The following ABCA5 variants were observed in gnomAD, a reference collection of about 807,000 sequenced individuals.
ABCA5 encodes the protein cholesterol transporter ABCA5.
In ABCA5, 163 loss-of-function variants were observed where a neutral mutation model predicts 206.0. The observed-to-expected ratio is 0.79, with a 90% CI of 0.70 to 0.90. The LOEUF (loss-of-function observed/expected upper bound fraction) is 0.90, where lower values mean the gene tolerates loss of function less well. Ranked by LOEUF, ABCA5 falls within the 40% of genes least tolerant of loss-of-function variation. The pLI, the probability that ABCA5 is intolerant of heterozygous loss-of-function variation, is 0.00. For synonymous variants in ABCA5, 609 were observed against 613.8 expected, an observed-to-expected ratio of 0.99 and a Z score of 0.11; for missense variants, 1,859 against 1,912.9, an observed-to-expected ratio of 0.97 and a Z score of 0.53.
chr17:69,280,882 T>C (rs904584624), intron 18 of ABCA5, among the ~76,000 whole-genome samples: 1 of 151,948 alleles, frequency 6.6e-6, no homozygotes, highest in Non-Finnish European at 1.5e-5. Context: ...GGCACTATTG[T>C]GGGGTTGGGG....
intron 9 of ABCA5, among the ~76,000 whole-genome samples, chr17:69,298,754 C>A (rs977458805): frequency 2.0e-5 from 3 of 152,012 alleles, no homozygotes; most frequent in Admixed American, 2.0e-4. Flanking sequence ...GAGACGATAA[C>A]ATCAGAAAAA....
At chr17:69,312,825 A>C (rs1286447673) in intron 3 of ABCA5, among the ~76,000 whole-genome samples, 1 of 152,232 alleles carries the variant, frequency 6.6e-6, no homozygotes, top group Non-Finnish European at 1.5e-5. Context: ...TATCTTATAC[A>C]AGTATACTTA....
At chr17:69,312,710 G>A (rs954433824) in intron 3 of ABCA5, among the ~76,000 whole-genome samples, 1 of 151,982 alleles carries the variant, frequency 6.6e-6, no homozygotes, top group Non-Finnish European at 1.5e-5. Context: ...TCAACTTCTT[G>A]AGTAGCTGGG....
chr17:69,247,306 A>G lies in ABCA5; in HGVS notation c.*231T>C. 1 of 368,706 alleles carries G rather than the reference A, an allele frequency of 2.7e-6. No homozygotes were observed. Among genetic ancestry groups the G allele is most frequent in the East Asian group, 5.2e-5 (1 of 19,326 alleles). The allele number at this position is 368,706 out of a possible 1,614,324, so 22.8% of individuals were successfully genotyped here. On this transcript the variant is annotated 3_prime_UTR_variant, in exon 39 of 39. Coordinates refer to ENST00000392676, the MANE Select transcript of ABCA5 (RefSeq NM_172232.4). ...TGGTGAAAAAGATGACATACAAACTATATAGTTCAATATACTTCAATACAA... is the reference window on the plus strand; with the variant it reads ...TGGTGAAAAAGATGACATACAAACTGTATAGTTCAATATACTTCAATACAA...
In ABCA5 at chr17:69,306,702, GTAAT is replaced by G; in HGVS notation, c.788+19_788+22del. On this transcript the variant is annotated intron_variant, in intron 6 of 38. Coordinates refer to ENST00000392676, the MANE Select transcript of ABCA5 (RefSeq NM_172232.4). ...TTAATACAATTTTTAATTATATTAA[GTAAT>G]AAATTTTTAATAACATACCAAAAGG... 8.7e-7 allele frequency: 1 copy of G among 1,148,166 alleles called. No individual in the cohort carries two copies. The highest frequency in any genetic ancestry group is 1.2e-6 in the Non-Finnish European group (1 of 866,988). 71.1% of individuals were successfully genotyped at this position (1,148,166 alleles called of 1,614,324 possible). A position where few individuals can be genotyped will look rare whatever the true frequency, so the allele number is the denominator to read the frequency against.
At chr17:69,274,968 C>A (rs1031840203) in intron 19 of ABCA5, among the ~76,000 whole-genome samples, 3 of 151,124 alleles carry the variant, frequency 2.0e-5, no homozygotes, top group Admixed American at 6.6e-5. Flanking sequence ...CTCAGCCTCC[C>A]AAGTAGGTGG....
chr17:69,323,525 T>C (rs2075879615), intron 1 of ABCA5, among the ~76,000 whole-genome samples: 1 of 152,222 alleles, frequency 6.6e-6, no homozygotes, highest in Admixed American at 6.5e-5. Flanking sequence ...ATGTCATTAT[T>C]AACATTGACA....
rs140650277 is a variant in ABCA5 at position 69,304,745 on chromosome 17, G to A, written c.854C>T (p.Ala285Val). ...FLMSLLMAVI[A>V]TASLLFPQSS... ...TTGAGGAAATAACAAAGAAGCTGTC[G>A]CAATGACTGCCATAAGAAGGGACAT... The change falls in exon 7 of 39, where the codon GCG (alanine) becomes GTG (valine). Residue 285 changes from alanine to valine, a missense_variant. Coordinates refer to ENST00000392676, the MANE Select transcript of ABCA5 (RefSeq NM_172232.4). 21 of 1,608,948 alleles carry A rather than the reference G, an allele frequency of 1.3e-5. No individual in the cohort carries two copies. Among genetic ancestry groups the A allele is most frequent in the African/African-American group, 2.7e-5 (2 of 74,708 alleles).
chr17:69,279,546 T>C (rs997381519), intron 18 of ABCA5, among the ~76,000 whole-genome samples: 3 of 151,462 alleles, frequency 2.0e-5, no homozygotes, highest in Admixed American at 6.6e-5. Context: ...AAAGTTCATA[T>C]GGAACCAAAA....
chr17:69,290,632 A>T (rs546604293), intron 12 of ABCA5, among the ~76,000 whole-genome samples: 2 of 152,286 alleles, frequency 1.3e-5, no homozygotes, highest in South Asian at 4.1e-4. Context: ...AAGTTAAATA[A>T]CATTTAAAGA....
In ABCA5 at chr17:69,271,253, C is replaced by T. The variant is rs533414407; in HGVS notation, c.2801G>A (p.Ser934Asn). The T allele has an allele frequency of 1.2e-6, 2 of 1,612,990 alleles. No homozygotes were observed. Among genetic ancestry groups the T allele is most frequent in the Non-Finnish European group, 1.7e-6 (2 of 1,179,472 alleles). Residue 934 changes from serine to asparagine, a missense_variant, in exon 21 of 39, where the codon AGC becomes AAC. Coordinates refer to ENST00000392676, the MANE Select transcript of ABCA5 (RefSeq NM_172232.4). Reference protein sequence around the residue: ...DISDLISFFTSQNIMVTMIND... With the variant: ...DISDLISFFTNQNIMVTMIND... ...AATCATCGTCACCATTATGTTCTGGCTTGTGAAAAAGCTAATAAGATCACT... is the reference window on the plus strand; with the variant it reads ...AATCATCGTCACCATTATGTTCTGGTTTGTGAAAAAGCTAATAAGATCACT...
chr17:69,299,471 T>TACATACACACACACAC (rs368527394), intron 9 of ABCA5, among the ~76,000 whole-genome samples: 6 of 142,400 alleles, frequency 4.2e-5, no homozygotes, highest in Non-Finnish European at 7.6e-5. Flanking sequence ...CACACACACA[T>TACATACACACACACAC]ACACACACAC....
rs959625331 is a variant in ABCA5, at chr17:69,256,434, CTTTT to C, written c.3732-155_3732-152del. ...AAAGGTGGAATTATAAGCGATATTT[CTTTT>C]TTTTTCTTTCTTTCTTTCTTTTTTT... On this transcript the variant is annotated intron_variant, in intron 28 of 38. Coordinates refer to ENST00000392676, the MANE Select transcript of ABCA5 (RefSeq NM_172232.4). 98 of 405,024 alleles carry C rather than the reference CTTTT, an allele frequency of 2.4e-4. 1 individual carries two copies. Among genetic ancestry groups the C allele is most frequent in the East Asian group, 6.9e-4 (15 of 21,706 alleles). The allele number at this position is 405,024 out of a possible 1,614,324, so 25.1% of individuals were successfully genotyped here.
At chr17:69,277,880 A>G (rs1302958562) in intron 18 of ABCA5, 38 bp from the exon 19 acceptor site, 4 of 1,402,378 alleles carry the variant, frequency 2.9e-6, no homozygotes, top group Non-Finnish European at 2.8e-6. Context: ...CAGTATGTTC[A>G]TTAAAAAAGA....
chr17:69,294,300 A>G (rs2075562096), intron 11 of ABCA5, among the ~76,000 whole-genome samples: 1 of 152,104 alleles, frequency 6.6e-6, no homozygotes, highest in Non-Finnish European at 1.5e-5. Flanking sequence ...AGGCGGGCGA[A>G]CCACCTGAGG....
rs2075349624 is a variant in ABCA5, at chr17:69,277,731, C to T, written c.2504G>A (p.Ser835Asn). The T allele has an allele frequency of 1.2e-6, 2 of 1,609,476 alleles. No homozygotes were observed. The highest frequency in any genetic ancestry group is 1.7e-5 in the Admixed American group (1 of 58,934). ...CTGTTGTTTCCAAAGGCTCATGGTGCTCACTAGAGCAGCCTTGGTTTCAGA... is the reference window on the plus strand; with the variant it reads ...CTGTTGTTTCCAAAGGCTCATGGTGTTCACTAGAGCAGCCTTGGTTTCAGA... ...ILSETKAALV[S>N]TMSLWKQQMY... The change falls in exon 19 of 39, where the codon AGC (serine) becomes AAC (asparagine). Residue 835 changes from serine to asparagine, a missense_variant. Physicochemically the swap from Ser to Asn is conservative, Grantham distance 46 (BLOSUM62 1). Coordinates refer to ENST00000392676, the MANE Select transcript of ABCA5 (RefSeq NM_172232.4).
chr17:69,250,652 T>A (rs1397776947), intron 35 of ABCA5, 31 bp from the exon 36 acceptor site: 1 of 1,492,736 alleles, frequency 6.7e-7, no homozygotes, highest in African/African-American at 1.4e-5. Context: ...AAAGCTCAGA[T>A]ATAAAATGAC....
intron 31 of ABCA5, 90 bp from the exon 32 acceptor site, chr17:69,254,580 G>T: frequency 2.2e-6 from 2 of 929,876 alleles, no homozygotes; most frequent in Non-Finnish European, 1.6e-6. Context: ...CCTTCCTACA[G>T]CCAGACTAAT....
chr17:69,247,217 TTAAAAA>T lies in ABCA5; in HGVS notation c.*314_*319del, dbSNP rs1267918690. 4 of 176,390 alleles carry T rather than the reference TTAAAAA, an allele frequency of 2.3e-5. No homozygotes were observed. Among genetic ancestry groups the T allele is most frequent in the Non-Finnish European group, 4.7e-5 (4 of 84,426 alleles). The allele number at this position is 176,390 out of a possible 1,614,324, so 10.9% of individuals were successfully genotyped here. A position where few individuals can be genotyped will look rare whatever the true frequency, so the allele number is the denominator to read the frequency against. On this transcript the variant is annotated 3_prime_UTR_variant, in exon 39 of 39. Transcript: ENST00000392676. ...AAGATGGCATAAACTTAAAGATAAC[TTAAAAA>T]TAAAACTATTCTATTACAATTCCTT...
Sources: allele counts gnomAD v4.1 joint callset (sites outside exome capture counted in the v4.1 genomes callset), GRCh38; gene constraint gnomAD v4.1.1; transcripts MANE v1.5; gene names NCBI Gene and HGNC (gene_info 2026-07-23, HGNC 2026-07-21).